The following SLC2A14 variants were observed in gnomAD, a reference collection of about 807,000 sequenced individuals.
SLC2A14 encodes the protein solute carrier family 2, facilitated glucose transporter member 14.
A neutral mutation model predicts 43.0 loss-of-function variants in SLC2A14; 13 were observed. The ratio of observed to expected loss-of-function variants is 0.30; its 90% CI spans 0.20 to 0.48. SLC2A14 has a LOEUF of 0.48. Ranked by LOEUF, SLC2A14 falls within the 20% of genes least tolerant of loss-of-function variation. The pLI is 0.99. For missense variants in SLC2A14, 428 were observed against 620.4 expected (o/e 0.69, Z 3.29); for synonymous variants, 190 against 233.8 (o/e 0.81, Z 1.71).
intron 9 of SLC2A14, 131 bp from the exon 10 acceptor site, chr12:7,818,165 A>C (rs1334239565): frequency 1.2e-6 from 1 of 811,364 alleles, no homozygotes; most frequent in Non-Finnish European, 1.9e-6. Flanking sequence ...TGGAATCAAA[A>C]GGCTTGGATT....
chr12:7,865,911 T>A (rs1446518190), intron 2 of SLC2A14, among the ~76,000 whole-genome samples: 3 of 151,978 alleles, frequency 2.0e-5, no homozygotes, highest in African/African-American at 4.8e-5. Flanking sequence ...GCTACTCCAG[T>A]GAACACACTG....
chr12:7,880,658 C>T (rs916084265), intron 1 of SLC2A14, among the ~76,000 whole-genome samples: 11 of 140,906 alleles, frequency 7.8e-5, no homozygotes, highest in African/African-American at 2.9e-4. Context: ...GAAACCCTGT[C>T]TCTACTAAAA....
At chr12:7,856,830 T>G (rs1390381870) in intron 2 of SLC2A14, among the ~76,000 whole-genome samples, 1 of 146,072 alleles carries the variant, frequency 6.8e-6, no homozygotes, top group Non-Finnish European at 1.5e-5. Flanking sequence ...TGGGTATTAA[T>G]GAATGCTAAT....
chr12:7,854,169 C>T (rs984789699), intron 2 of SLC2A14, among the ~76,000 whole-genome samples: 1 of 152,170 alleles, frequency 6.6e-6, no homozygotes, highest in South Asian at 2.1e-4. Context: ...TTAAGCATAG[C>T]CAAAGGAGAA....
chr12:7,847,109 A>T (rs1349489605), intron 2 of SLC2A14, among the ~76,000 whole-genome samples: 1 of 151,658 alleles, frequency 6.6e-6, no homozygotes, highest in African/African-American at 2.4e-5. Context: ...AAAATTAACC[A>T]AGTGTGGTGG....
chr12:7,856,066 A>T (rs1008867979), intron 2 of SLC2A14: 1 of 152,122 alleles, frequency 6.6e-6, no homozygotes, highest in African/African-American at 2.4e-5. Context: ...AGACATGTAA[A>T]ATTCTGACTA....
intron 10 of SLC2A14, among the ~76,000 whole-genome samples, chr12:7,817,372 C>T (rs768090070): frequency 2.0e-5 from 3 of 152,266 alleles, no homozygotes; most frequent in Admixed American, 1.3e-4. Context: ...GCCTCAGCCG[C>T]CCAAAGTGCT....
At chr12:7,878,489 C>A (rs538499471) in intron 1 of SLC2A14, among the ~76,000 whole-genome samples, 2 of 150,850 alleles carry the variant, frequency 1.3e-5, no homozygotes, top group African/African-American at 2.4e-5. Flanking sequence ...GAACTCCTAA[C>A]GTCAAGAGAT....
intron 1 of SLC2A14, among the ~76,000 whole-genome samples, chr12:7,888,835 G>A (rs1368587786): frequency 6.6e-6 from 1 of 150,920 alleles, no homozygotes; most frequent in Non-Finnish European, 1.5e-5. Context: ...AATATCAGGA[G>A]AATATAGACT....
chr12:7,885,349 C>T (rs1487520430), intron 1 of SLC2A14, among the ~76,000 whole-genome samples: 5 of 152,054 alleles, frequency 3.3e-5, no homozygotes, highest in African/African-American at 1.2e-4. Flanking sequence ...CCAGTAGTCC[C>T]AGCTACTCGG....
intron 2 of SLC2A14, among the ~76,000 whole-genome samples, chr12:7,852,354 T>A (rs1867008303): frequency 6.6e-6 from 1 of 152,156 alleles, no homozygotes; most frequent in Non-Finnish European, 1.5e-5. Context: ...AATGTAAACT[T>A]TTCCATTTTA....
intron 2 of SLC2A14, among the ~76,000 whole-genome samples, chr12:7,862,470 C>A (rs1034757221): frequency 6.6e-6 from 1 of 152,076 alleles, no homozygotes; most frequent in African/African-American, 2.4e-5. Flanking sequence ...GCCTTCCCAC[C>A]CCCTCTGTGG....
At chr12:7,826,865 C>CT (rs1491388910) in intron 7 of SLC2A14, among the ~76,000 whole-genome samples, 591 of 15,404 alleles carry the variant, frequency 0.038, 44 homozygotes, top group Non-Finnish European at 0.057. Flanking sequence ...TTTCTTTTTT[C>CT]TTTCTTTCTT....
chr12:7,831,839 T>C, intron 3 of SLC2A14, 75 bp from the exon 4 acceptor site: 1 of 1,572,884 alleles, frequency 6.4e-7, no homozygotes, highest in African/African-American at 1.3e-5. Flanking sequence ...CTGGGTGCAG[T>C]GGCTCACGCC....
chr12:7,829,961 G>C lies in SLC2A14; in HGVS notation c.318C>G (p.Gly106=). 6.2e-7 allele frequency: 1 copy of C among 1,614,200 alleles called. No homozygotes were observed. The highest frequency in any genetic ancestry group is 8.5e-7 in the Non-Finnish European group (1 of 1,180,044). Residue 106 remains glycine (G), a synonymous_variant, in exon 5 of 11, where the codon GGC becomes GGG. Transcript: ENST00000431042. ...CTATTTTACACAGTCCCATAAGGCA[G>C]CCACCAGTGGCAGCCAACAGGTTGA... ...LIVNLLAATG[G]CLMGLCKIAE...
upstream of SLC2A14, among the ~76,000 whole-genome samples, chr12:7,873,639 CAAAAAACA>C (rs993264981): frequency 5.4e-5 from 5 of 92,954 alleles, no homozygotes; most frequent in Admixed American, 7.0e-4. Flanking sequence ...GATTCCGTCT[CAAAAAACA>C]AACAAACAAA....
At chr12:7,883,269 T>C (rs139631114) in intron 1 of SLC2A14, among the ~76,000 whole-genome samples, 42,942 of 119,614 alleles carry the variant, frequency 0.36, 6,858 homozygotes, top group Middle Eastern at 0.5. Flanking sequence ...CTTTCTTTTT[T>C]TTTTTTTTTT....
intron 2 of SLC2A14, among the ~76,000 whole-genome samples, chr12:7,860,240 G>C (rs1287573986): frequency 6.6e-6 from 1 of 152,114 alleles, no homozygotes; most frequent in Non-Finnish European, 1.5e-5. Context: ...TAGGCCTGAA[G>C]AAGCAAAGCC....
At chr12:7,845,131 G>A (rs748404957) in intron 2 of SLC2A14, among the ~76,000 whole-genome samples, 5 of 151,960 alleles carry the variant, frequency 3.3e-5, no homozygotes, top group Non-Finnish European at 5.9e-5. Flanking sequence ...CACTAGCCTC[G>A]TGAATGGAGA....
Sources: gnomAD v4.1 joint callset for allele counts (sites outside exome capture counted in the v4.1 genomes callset) on GRCh38, gnomAD v4.1.1 for gene constraint, MANE v1.5 for transcripts, NCBI Gene and HGNC (gene_info 2026-07-23, HGNC 2026-07-21) for gene names.